LAMA2: variants seen among roughly 807,000 people sequenced by gnomAD.
LAMA2 encodes the protein laminin subunit alpha-2.
A neutral mutation model predicts 364.8 loss-of-function variants in LAMA2; 269 were observed. The observed-to-expected ratio is 0.74, with a 90% CI of 0.67 to 0.82. LAMA2 has a LOEUF of 0.82. Among genes scored for constraint, LAMA2 ranks in the 40% least tolerant of loss-of-function variants. LAMA2 has a pLI of 0.00. For missense variants in LAMA2, 3,807 were observed against 3,873.2 expected (o/e 0.98, Z 0.45); for synonymous variants, 1,379 against 1,370.6 (o/e 1.01, Z -0.14).
rs544271722 is a variant in LAMA2, at chr6:129,066,038, G to GTTTTTTTTTTTTTTTTTT, written c.396+6150_396+6167dup. On this transcript the variant is annotated intron_variant, in intron 3 of 64. Transcript: ENST00000421865. ...TCTTTTGTAAATTGCCCAGTCTCAG[G>GTTTTTTTTTTTTTTTTTT]TTTTTTTTTTTTTTTTTTTTTTTTT... 4.0e-4 allele frequency among the ~76,000 whole-genome samples: 15 copies of GTTTTTTTTTTTTTTTTTT among 37,110 alleles called. 1 individual carries two copies. Among genetic ancestry groups the GTTTTTTTTTTTTTTTTTT allele is most frequent in the African/African-American group, 1.2e-3 (14 of 11,696 alleles). The allele number at this position is 37,110 out of a possible 152,430, so 24.3% of individuals were successfully genotyped here. A position where few individuals can be genotyped will look rare whatever the true frequency, so the allele number is the denominator to read the frequency against.
At chr6:129,298,382 A>G (rs527936234) in intron 21 of LAMA2, among the ~76,000 whole-genome samples, 2 of 152,214 alleles carry the variant, frequency 1.3e-5, no homozygotes, top group South Asian at 4.1e-4. Context: ...TTGGCTCTAG[A>G]TATTTAGTTC....
In LAMA2 at chr6:129,427,633, A is replaced by AT. The variant is rs1355706828; in HGVS notation, c.5866-118dup. The stretch of plus-strand genomic sequence containing the variant: ...ATATGTGCTAATAATTTACAATTCT[A>AT]TATCTGCAGCCCAGAGCTCTTTCCT... On this transcript the variant is annotated intron_variant, in intron 40 of 64. Coordinates refer to ENST00000421865, the MANE Select transcript of LAMA2 (RefSeq NM_000426.4). 2.1e-5 allele frequency: 16 copies of AT among 747,206 alleles called. No homozygotes were observed. The African/African-American group carries it at 2.8e-4, about 13-fold the overall frequency. The allele number at this position is 747,206 out of a possible 1,614,324, so 46.3% of individuals were successfully genotyped here.
Position 129,124,564 on chromosome 6 carries a change from TC to T in LAMA2, c.640-19335del, listed in dbSNP as rs1777001496. Among the ~76,000 whole-genome samples, 6 of 152,312 alleles carry T rather than the reference TC, an allele frequency of 3.9e-5. No individual in the cohort carries two copies. The South Asian group carries it at 1.2e-3, about 32-fold the overall frequency. On this transcript the variant is annotated intron_variant, in intron 4 of 64. Coordinates refer to ENST00000421865, the MANE Select transcript of LAMA2 (RefSeq NM_000426.4). ...CAAATATGCCAAAGCTTATGCTGCT[TC>T]CTGGGCTGTGAGTAATAAAGTCCCT...
Position 129,071,012 on chromosome 6 carries a change from C to G in LAMA2, c.396+11116C>G, listed in dbSNP as rs556999956. Among the ~76,000 whole-genome samples, 178 of 152,268 alleles carry G rather than the reference C, an allele frequency of 1.2e-3. 1 individual carries two copies. Among genetic ancestry groups the G allele is most frequent in the African/African-American group, 4.1e-3 (169 of 41,552 alleles). On this transcript the variant is annotated intron_variant, in intron 3 of 64. Transcript: ENST00000421865. ...TCTTGCCTTCTCCCCTAATAGTAAC[C>G]AGTATTCTAACTTGTATTCACCAGT...
intron 12 of LAMA2, among the ~76,000 whole-genome samples, chr6:129,217,187 C>A (rs376861620): frequency 5.7e-4 from 83 of 145,308 alleles, no homozygotes; most frequent in South Asian, 6.6e-4. Flanking sequence ...GACTCCATCT[C>A]AAAAAAAAAA....
At chr6:129,151,539 A>G (rs1051059221) in intron 7 of LAMA2, among the ~76,000 whole-genome samples, 1 of 152,068 alleles carries the variant, frequency 6.6e-6, no homozygotes, top group Non-Finnish European at 1.5e-5. Flanking sequence ...CCGTTTTCAC[A>G]CTGCTGTAAA....
At chr6:129,320,134 A>G (rs971895548) in intron 27 of LAMA2, among the ~76,000 whole-genome samples, 1 of 151,060 alleles carries the variant, frequency 6.6e-6, no homozygotes. Context: ...CTCTGTCTCA[A>G]ATAAATAAAT....
chr6:128,946,127 G>A (rs758347603), intron 1 of LAMA2, among the ~76,000 whole-genome samples: 4 of 149,098 alleles, frequency 2.7e-5, no homozygotes, highest in Non-Finnish European at 5.9e-5. Context: ...AGCCTCTCTA[G>A]GTCGACAGGA....
intron 4 of LAMA2, among the ~76,000 whole-genome samples, chr6:129,123,597 T>C (rs749767376): frequency 3.3e-5 from 5 of 152,100 alleles, no homozygotes; most frequent in South Asian, 2.1e-4. Flanking sequence ...GTGGACAACA[T>C]GAAGGACATT....
chr6:129,481,355 CA>C lies in LAMA2; in HGVS notation c.7666del (p.Thr2556ProfsTer51), dbSNP rs2114839550. 1 of 1,613,542 alleles carries C rather than the reference CA, an allele frequency of 6.2e-7. No individual in the cohort carries two copies. Among genetic ancestry groups the C allele is most frequent in the Non-Finnish European group, 8.5e-7 (1 of 1,179,506 alleles). ...GAACAGAAATCAACCTGTCATTCAG[CA>C]CCAAGAATGAGTCCGGCATCATTCT... ...VGTEINLSFS[T>X]KNESGIILLG... On this transcript the variant is annotated frameshift_variant, in exon 55 of 65. Transcript: ENST00000421865. LOFTEE classifies it high-confidence loss of function.
At position 129,339,864 on chromosome 6, in the gene LAMA2, A is replaced by G. The variant is rs1776159849; in HGVS notation, c.4312-2479A>G. ...CTGAAAATACGAAAATTAACTGGGC[A>G]TGGTTACGCATGCCTGTAATCTCAG... On this transcript the variant is annotated intron_variant, in intron 29 of 64. Coordinates refer to ENST00000421865, the MANE Select transcript of LAMA2 (RefSeq NM_000426.4). Among the ~76,000 whole-genome samples the G allele has an allele frequency of 2.0e-5, 3 of 152,188 alleles. No homozygotes were observed. In the South Asian group the frequency reaches 6.2e-4, roughly 32 times the overall value.
intron 4 of LAMA2, among the ~76,000 whole-genome samples, chr6:129,113,195 T>A (rs979054485): frequency 2.0e-5 from 3 of 152,120 alleles, no homozygotes; most frequent in Admixed American, 2.0e-4. Context: ...CTCTTTAACA[T>A]GAGGGGCTCT....
Position 128,883,369 on chromosome 6 carries a change from G to A in LAMA2, c.112+12G>A. 6.3e-7 allele frequency: 1 copy of A among 1,580,742 alleles called. No individual in the cohort carries two copies. On this transcript the variant is annotated intron_variant, in intron 1 of 64. Coordinates refer to ENST00000421865, the MANE Select transcript of LAMA2 (RefSeq NM_000426.4). ...ACATCAGCAAAGAGGTACAGTCGAG[G>A]CATGGGCTTGGGTTGCATCCTTTGC...
chr6:128,888,985 C>A (rs1430528337), intron 1 of LAMA2, among the ~76,000 whole-genome samples: 1 of 152,184 alleles, frequency 6.6e-6, no homozygotes, highest in Non-Finnish European at 1.5e-5. Flanking sequence ...TCCACTTCAA[C>A]CATCTTATCA....
intron 1 of LAMA2, among the ~76,000 whole-genome samples, chr6:128,886,001 C>T (rs35704827): frequency 0.22 from 33,331 of 152,040 alleles, 5,531 homozygotes; most frequent in African/African-American, 0.47. Context: ...AGCATAATGG[C>T]AGGTAAATTG....
At chr6:129,114,307 T>C (rs1776332639) in intron 4 of LAMA2, among the ~76,000 whole-genome samples, 1 of 152,058 alleles carries the variant, frequency 6.6e-6, no homozygotes, top group Non-Finnish European at 1.5e-5. Context: ...AATTTGGGGT[T>C]ATTCTGAAAA....
chr6:129,174,647 A>G (rs1379158699), intron 9 of LAMA2, among the ~76,000 whole-genome samples: 1 of 152,126 alleles, frequency 6.6e-6, no homozygotes, highest in South Asian at 2.1e-4. Flanking sequence ...CTGTAAAACC[A>G]TGCTCCCTGA....
chr6:128,929,260 G>A, intron 1 of LAMA2: 2 of 1,409,940 alleles, frequency 1.4e-6, no homozygotes, highest in Non-Finnish European at 2.0e-6. Flanking sequence ...GACCGTCAAT[G>A]GCTAAGTTCC....
intron 1 of LAMA2, among the ~76,000 whole-genome samples, chr6:129,018,792 T>G (rs940468160): frequency 1.3e-5 from 2 of 152,168 alleles, no homozygotes; most frequent in Non-Finnish European, 2.9e-5. Context: ...TTTATTTAAA[T>G]ACTATATGTC....
Sources: gnomAD v4.1 joint callset for allele counts (sites outside exome capture counted in the v4.1 genomes callset) on GRCh38, gnomAD v4.1.1 for gene constraint, MANE v1.5 for transcripts, NCBI Gene and HGNC (gene_info 2026-07-23, HGNC 2026-07-21) for gene names.